Variants in PITPNC1 observed in about 807,000 individuals in gnomAD.
The protein encoded by PITPNC1 is phosphatidylinositol transfer protein cytoplasmic 1.
In PITPNC1, 18 loss-of-function variants were observed where a neutral mutation model predicts 44.7. That is an observed-to-expected ratio of 0.40 (90% CI 0.28 to 0.60). The LOEUF (loss-of-function observed/expected upper bound fraction) is 0.60. PITPNC1 is among the 20% of genes least tolerant of loss of function. The pLI, the probability that PITPNC1 is intolerant of heterozygous loss-of-function variation, is 0.39. For missense variants in PITPNC1, 290 were observed against 418.4 expected, an observed-to-expected ratio of 0.69 and a Z score of 2.68; for synonymous variants, 141 against 149.6, an observed-to-expected ratio of 0.94 and a Z score of 0.42.
intron 1 of PITPNC1, among the ~76,000 whole-genome samples, chr17:67,414,869 C>T (rs899934276): frequency 1.3e-5 from 2 of 152,004 alleles, no homozygotes; most frequent in African/African-American, 2.4e-5. Flanking sequence ...TGTCTTTGCA[C>T]ATTCTCTCTT....
intron 1 of PITPNC1, among the ~76,000 whole-genome samples, chr17:67,513,379 A>G (rs940504834): frequency 6.8e-6 from 1 of 147,358 alleles, no homozygotes; most frequent in Non-Finnish European, 1.5e-5. Context: ...CTATATCTAT[A>G]TCTATATCTA....
At chr17:67,607,731 C>CTT (rs1212042100) in intron 5 of PITPNC1, among the ~76,000 whole-genome samples, 1,949 of 140,628 alleles carry the variant, frequency 0.014, 47 homozygotes, top group African/African-American at 0.044. Flanking sequence ...TTTTTTCTTT[C>CTT]TTTTTTTTTT....
At chr17:67,506,995 T>C (rs1211107742) in intron 1 of PITPNC1, among the ~76,000 whole-genome samples, 1 of 152,198 alleles carries the variant, frequency 6.6e-6, no homozygotes, top group Non-Finnish European at 1.5e-5. Context: ...AAATCGATGC[T>C]ATAATCAGTT....
intron 1 of PITPNC1, among the ~76,000 whole-genome samples, chr17:67,425,483 C>CTCCT (rs534988394): frequency 2.0e-5 from 3 of 146,696 alleles, no homozygotes; most frequent in Non-Finnish European, 4.5e-5. Context: ...CCCTCCCTCC[C>CTCCT]TCCTTCCTTC....
At position 67,685,309 on chromosome 17, in the gene PITPNC1, G is replaced by A. The variant is rs868068666; in HGVS notation, c.683-7263G>A. On this transcript the variant is annotated intron_variant, in intron 8 of 8. Coordinates refer to ENST00000581322, the MANE Select transcript of PITPNC1 (RefSeq NM_012417.4). ...TTGATACTTACATTGCTTATGGACC[G>A]CATTTGCGATTGAGGATCTCCAGGT... Among the ~76,000 whole-genome samples the A allele has an allele frequency of 7.9e-5, 12 of 152,204 alleles. No homozygotes were observed. The South Asian group carries it at 1.2e-3, about 16-fold the overall frequency.
chr17:67,675,325 A>C (rs2042582928), intron 7 of PITPNC1, among the ~76,000 whole-genome samples, 154 bp from the exon 8 acceptor site: 2 of 152,186 alleles, frequency 1.3e-5, no homozygotes, highest in African/African-American at 4.8e-5. Flanking sequence ...TGAGCACTAT[A>C]GGACCTATAG....
At chr17:67,635,252 C>CT (rs779118766) in intron 6 of PITPNC1, among the ~76,000 whole-genome samples, 1 of 152,074 alleles carries the variant, frequency 6.6e-6, no homozygotes, top group Non-Finnish European at 1.5e-5. Flanking sequence ...GTGGCTTGCG[C>CT]TAGAGGGCTG....
intron 1 of PITPNC1, among the ~76,000 whole-genome samples, chr17:67,516,722 G>T (rs375569191): frequency 1.3e-5 from 2 of 152,106 alleles, no homozygotes; most frequent in Non-Finnish European, 2.9e-5. Flanking sequence ...AGGTTCAAGC[G>T]ATTCTCCCGC....
chr17:67,425,658 A>G (rs951058599), intron 1 of PITPNC1, among the ~76,000 whole-genome samples: 2 of 151,302 alleles, frequency 1.3e-5, no homozygotes, highest in Admixed American at 6.6e-5. Flanking sequence ...AGTAGCTGGG[A>G]CCAGAGGCAC....
chr17:67,552,136 G>A (rs2040773676), intron 2 of PITPNC1, 121 bp from the exon 3 acceptor site: 4 of 671,746 alleles, frequency 6.0e-6, no homozygotes, highest in South Asian at 5.0e-5. Context: ...AAGGGCAGCT[G>A]TGGAGAAAAG....
chr17:67,391,977 T>A (rs868189985), intron 1 of PITPNC1, among the ~76,000 whole-genome samples: 1 of 152,158 alleles, frequency 6.6e-6, no homozygotes, highest in Non-Finnish European at 1.5e-5. Flanking sequence ...ATCATATTCC[T>A]CTTCGAAAAT....
At chr17:67,396,452 A>G (rs1266535344) in intron 1 of PITPNC1, among the ~76,000 whole-genome samples, 1 of 148,528 alleles carries the variant, frequency 6.7e-6, no homozygotes, top group African/African-American at 2.5e-5. Flanking sequence ...GCTCACTGCA[A>G]CCTCTGCCCT....
Position 67,445,662 on chromosome 17 carries a change from C to T in PITPNC1, c.48+67460C>T, listed in dbSNP as rs2039083502. ...GGGGAGAAATGAGAACTCATGTTTT[C>T]CATACTCAGCCCTACCCCAAGATGA... On this transcript the variant is annotated intron_variant, in intron 1 of 8. Coordinates refer to ENST00000581322, the MANE Select transcript of PITPNC1 (RefSeq NM_012417.4). Among the ~76,000 whole-genome samples, 4 of 152,184 alleles carry T rather than the reference C, an allele frequency of 2.6e-5. No homozygotes were observed. The South Asian group carries it at 8.3e-4, about 32-fold the overall frequency.
chr17:67,653,174 C>T (rs913109116), intron 6 of PITPNC1, among the ~76,000 whole-genome samples: 5 of 152,008 alleles, frequency 3.3e-5, no homozygotes, highest in East Asian at 3.9e-4. Context: ...CCCAGCTACT[C>T]GGGAGGCTGA....
intron 1 of PITPNC1, among the ~76,000 whole-genome samples, chr17:67,402,585 C>T (rs941446400): frequency 6.6e-6 from 1 of 151,996 alleles, no homozygotes; most frequent in South Asian, 2.1e-4. Context: ...AGCCATACCA[C>T]AGCAGCCGTA....
At chr17:67,450,631 T>A (rs1257030124) in intron 1 of PITPNC1, among the ~76,000 whole-genome samples, 4 of 152,134 alleles carry the variant, frequency 2.6e-5, no homozygotes, top group Non-Finnish European at 1.5e-5. Flanking sequence ...TTCGCTGTGT[T>A]GCCCAGGCTG....
rs563002339 is a variant in PITPNC1 at position 67,696,764 on chromosome 17, G to A, written c.*3876G>A. 6.6e-6 allele frequency: 1 copy of A among 152,300 alleles called. No individual in the cohort carries two copies. Among genetic ancestry groups the A allele is most frequent in the East Asian group, 1.9e-4 (1 of 5,188 alleles). The allele number at this position is 152,300 out of a possible 1,614,324, so 9.4% of individuals were successfully genotyped here. ...GAAATATAAGTGTTTAAGCTTTTTAGGAGTTAGTGTAATAAGAGAATGTGA... is the reference window on the plus strand; with the variant it reads ...GAAATATAAGTGTTTAAGCTTTTTAAGAGTTAGTGTAATAAGAGAATGTGA... On this transcript the variant is annotated 3_prime_UTR_variant, in exon 9 of 9. Coordinates refer to ENST00000581322, the MANE Select transcript of PITPNC1 (RefSeq NM_012417.4).
intron 6 of PITPNC1, among the ~76,000 whole-genome samples, chr17:67,639,988 A>G (rs1417662413): frequency 6.6e-6 from 1 of 152,180 alleles, no homozygotes; most frequent in Non-Finnish European, 1.5e-5. Context: ...GAGGGTGGTA[A>G]AGATTTTCCG....
At chr17:67,632,586 C>CTTTTT (rs1194543004) in intron 6 of PITPNC1, among the ~76,000 whole-genome samples, 1 of 99,156 alleles carries the variant, frequency 1.0e-5, no homozygotes, top group African/African-American at 3.7e-5. Flanking sequence ...TTTTTTTTTT[C>CTTTTT]TTTTTTTTTT....
Sources: allele counts gnomAD v4.1 joint callset (sites outside exome capture counted in the v4.1 genomes callset), GRCh38; gene constraint gnomAD v4.1.1; transcripts MANE v1.5; gene names NCBI Gene and HGNC (gene_info 2026-07-23, HGNC 2026-07-21).